Variants in NAALAD2 observed in about 807,000 individuals in gnomAD.
NAALAD2 encodes N-acetylated alpha-linked acidic dipeptidase 2, also known as N-acetylated-alpha-linked acidic dipeptidase 2.
In NAALAD2, 89 loss-of-function variants were observed where a neutral mutation model predicts 95.6. The ratio of observed to expected loss-of-function variants is 0.93; its 90% CI spans 0.78 to 1.11. NAALAD2 has a LOEUF of 1.11. Among genes scored for constraint, NAALAD2 ranks in the 50% least tolerant of loss-of-function variants. The probability of loss-of-function intolerance (pLI) is 0.00; values close to 1 mark genes in which losing one functional copy is unlikely to be tolerated. For missense variants in NAALAD2, 894 were observed against 872.4 expected (o/e 1.02, Z -0.31); for synonymous variants, 264 against 294.4 (o/e 0.90, Z 1.06).
intron 18 of NAALAD2, among the ~76,000 whole-genome samples, chr11:90,184,218 T>C (rs1220157091): frequency 6.6e-6 from 1 of 152,182 alleles, no homozygotes; most frequent in African/African-American, 2.4e-5. Flanking sequence ...TAAATGTTAA[T>C]GATTAATATT....
intron 18 of NAALAD2, 138 bp downstream of exon 18, chr11:90,183,146 AT>A: frequency 1.8e-6 from 1 of 566,458 alleles, no homozygotes; most frequent in Non-Finnish European, 3.2e-6. Context: ...TGTACATTTA[AT>A]AATAGGTATA....
chr11:90,190,641 A>C (rs1048545196), intron 18 of NAALAD2, among the ~76,000 whole-genome samples: 1 of 152,184 alleles, frequency 6.6e-6, no homozygotes, highest in Admixed American at 6.5e-5. Context: ...CAATGCTTAT[A>C]AACAACTTAG....
At chr11:90,176,090 T>G (rs1227714203) in intron 15 of NAALAD2, 28 bp downstream of exon 15, 1 of 1,539,102 alleles carries the variant, frequency 6.5e-7, no homozygotes, top group Non-Finnish European at 9.0e-7. Context: ...TTTGAATATA[T>G]AACATTTCAT....
At position 90,149,121 on chromosome 11, in the gene NAALAD2, C is replaced by G; in HGVS notation, c.483+14C>G. 3.3e-6 allele frequency: 5 copies of G among 1,502,606 alleles called. No homozygotes were observed. The highest frequency in any genetic ancestry group is 4.6e-6 in the Non-Finnish European group (5 of 1,090,834). The allele number at this position is 1,502,606 out of a possible 1,614,324, so 93.1% of individuals were successfully genotyped here. ...GGCATGCCAGAGGTAAAATAAAATA[C>G]TTTTGTAATCCAAGTCTTTAAATGG... On this transcript the variant is annotated intron_variant, in intron 4 of 18. Transcript: ENST00000534061.
chr11:90,173,891 C>T lies in NAALAD2; in HGVS notation c.1478C>T (p.Ser493Leu), dbSNP rs763315751. The change falls in exon 14 of 19, where the codon TCA (serine) becomes TTA (leucine). Residue 493 changes from serine (S) to leucine (L), a missense_variant. Ser to Leu is a moderately radical substitution (Grantham distance 145). Transcript: ENST00000534061. Reference protein sequence around the residue: ...LYESWLEKDPSPENKNLPRIN... With the variant: ...LYESWLEKDPLPENKNLPRIN... ...GAAAGCTGGTTGGAAAAAGACCCTTCACCTGAAAATAAAAATTTGCCTAGG... is the reference window on the plus strand; with the variant it reads ...GAAAGCTGGTTGGAAAAAGACCCTTTACCTGAAAATAAAAATTTGCCTAGG... 20 of 1,612,112 alleles carry T rather than the reference C, an allele frequency of 1.2e-5. No individual in the cohort carries two copies. The Admixed American group carries it at 3.2e-4, about 26-fold the overall frequency.
rs150330869 is a variant in NAALAD2 at position 90,168,866 on chromosome 11, A to G, written c.1279-63A>G. 3.4e-4 allele frequency: 458 copies of G among 1,338,664 alleles called. 2 individuals are homozygous for G. The African/African-American group carries it at 5.5e-3, about 16-fold the overall frequency. 82.9% of individuals were successfully genotyped at this position (1,338,664 alleles called of 1,614,324 possible). The stretch of plus-strand genomic sequence containing the variant: ...GCTTTTCCACGAAATTAATTTGCTT[A>G]TTTTGTTTACATTTTCACAACTAAG... On this transcript the variant is annotated intron_variant, in intron 11 of 18. Transcript: ENST00000534061.
At chr11:90,164,363 AT>A (rs1353549811) in intron 11 of NAALAD2, 1 of 152,268 alleles carries the variant, frequency 6.6e-6, no homozygotes, top group Non-Finnish European at 1.5e-5. Flanking sequence ...AAGCACATTC[AT>A]TTTTTTAACT....
At chr11:90,138,228 G>T in intron 2 of NAALAD2, among the ~76,000 whole-genome samples, 1 of 152,252 alleles carries the variant, frequency 6.6e-6, no homozygotes, top group Admixed American at 6.5e-5. Context: ...CATTAAGTGA[G>T]TGTAGATTTT....
intron 7 of NAALAD2, chr11:90,159,038 C>T (rs973897974): frequency 1.7e-5 from 9 of 542,986 alleles, no homozygotes; most frequent in South Asian, 1.5e-4. Flanking sequence ...TAACATATTA[C>T]GTATTTTACT....
At chr11:90,166,271 T>C (rs151259172) in intron 11 of NAALAD2, among the ~76,000 whole-genome samples, 2 of 152,308 alleles carry the variant, frequency 1.3e-5, no homozygotes, top group Admixed American at 1.3e-4. Context: ...TAGTTTTGCT[T>C]TACTTTTTCT....
At chr11:90,138,124 A>G (rs564282045) in intron 2 of NAALAD2, among the ~76,000 whole-genome samples, 2 of 152,326 alleles carry the variant, frequency 1.3e-5, no homozygotes, top group Admixed American at 1.3e-4. Flanking sequence ...TATTTTGTAT[A>G]TGTATTATAT....
At chr11:90,133,013 A>C (rs995045185), upstream of NAALAD2, among the ~76,000 whole-genome samples, 1 of 152,212 alleles carries the variant, frequency 6.6e-6, no homozygotes, top group African/African-American at 2.4e-5. Flanking sequence ...GTTTCAAGAA[A>C]TAAGTTATTA....
chr11:90,175,750 A>G (rs1044761761), intron 14 of NAALAD2, among the ~76,000 whole-genome samples: 2 of 152,146 alleles, frequency 1.3e-5, no homozygotes, highest in Non-Finnish European at 2.9e-5. Context: ...TTTTGCCATT[A>G]TTTTTAATTT....
intron 4 of NAALAD2, among the ~76,000 whole-genome samples, chr11:90,149,433 T>G (rs1165644731): frequency 1.3e-5 from 2 of 152,064 alleles, no homozygotes; most frequent in Non-Finnish European, 2.9e-5. Flanking sequence ...TTTTTGTTTT[T>G]GTTTCGTTTT....
At chr11:90,145,465 TA>T (rs1346668817) in intron 2 of NAALAD2, among the ~76,000 whole-genome samples, 1 of 152,204 alleles carries the variant, frequency 6.6e-6, no homozygotes, top group Non-Finnish European at 1.5e-5. Context: ...GAAACAAAAA[TA>T]ATGAATTGTA....
chr11:90,182,953 C>A lies in NAALAD2; in HGVS notation c.1978C>A (p.Leu660Ile), dbSNP rs765528476. The part of the protein sequence containing the change: ...AVRMMNDQLM[L>I]LERAFIDPLG... Reference sequence around the variant, plus strand: ...GAGAATGATGAATGACCAACTGATGCTCCTGGAAAGAGCATTCATCGATCC... The same window carrying A: ...GAGAATGATGAATGACCAACTGATGATCCTGGAAAGAGCATTCATCGATCC... Residue 660 changes from leucine to isoleucine, a missense_variant, in exon 18 of 19, where the codon CTC becomes ATC. Coordinates refer to ENST00000534061, the MANE Select transcript of NAALAD2 (RefSeq NM_005467.4). 1.2e-6 allele frequency: 2 copies of A among 1,612,502 alleles called. No individual in the cohort carries two copies. Among genetic ancestry groups the A allele is most frequent in the East Asian group, 2.2e-5 (1 of 44,820 alleles).
rs1455332078 is a variant in NAALAD2, at chr11:90,173,860, C to G, written c.1447C>G (p.Leu483Val). The part of the protein sequence containing the change: ...SPDDGFESKS[L>V]YESWLEKDPS... ...TGATGATGGGTTTGAGAGTAAATCACTGTATGAAAGCTGGTTGGAAAAAGA... is the reference window on the plus strand; with the variant it reads ...TGATGATGGGTTTGAGAGTAAATCAGTGTATGAAAGCTGGTTGGAAAAAGA... The change falls in exon 14 of 19, where the codon CTG becomes GTG. Residue 483 changes from leucine (L) to valine (V), a missense_variant. Leu to Val is a conservative substitution (Grantham distance 32). Transcript: ENST00000534061. 1 of 1,612,982 alleles carries G rather than the reference C, an allele frequency of 6.2e-7. No homozygotes were observed. The highest frequency in any genetic ancestry group is 8.5e-7 in the Non-Finnish European group (1 of 1,179,562).
intron 2 of NAALAD2, among the ~76,000 whole-genome samples, chr11:90,137,660 G>A (rs1362464436): frequency 2.0e-5 from 3 of 152,132 alleles, no homozygotes; most frequent in East Asian, 1.9e-4. Flanking sequence ...CTGGAGTACA[G>A]TGGTGCAATC....
chr11:90,182,844 TTTTA>T (rs1445048148), intron 17 of NAALAD2, 68 bp from the exon 18 acceptor site: 9 of 1,049,392 alleles, frequency 8.6e-6, no homozygotes, highest in African/African-American at 1.6e-5. Flanking sequence ...CAAGCCTTGT[TTTTA>T]TTTAATATTA....
Sources: gnomAD v4.1 joint callset for allele counts (sites outside exome capture counted in the v4.1 genomes callset) on GRCh38, gnomAD v4.1.1 for gene constraint, MANE v1.5 for transcripts, NCBI Gene and HGNC (gene_info 2026-07-23, HGNC 2026-07-21) for gene names.